Variants in GRIP1 observed in about 807,000 individuals in gnomAD.
GRIP1 encodes glutamate receptor interacting protein 1, also known as glutamate receptor-interacting protein 1.
GRIP1 carries 45 observed loss-of-function variants against 129.9 expected under a neutral mutation model. The observed-to-expected ratio is 0.35, with a 90% CI of 0.27 to 0.44. The LOEUF (loss-of-function observed/expected upper bound fraction) is 0.44. Ranked by LOEUF, GRIP1 falls within the 20% of genes least tolerant of loss-of-function variation. The probability of loss-of-function intolerance (pLI) is 1.00; values close to 1 mark genes in which losing one functional copy is unlikely to be tolerated. For synonymous variants in GRIP1, 530 were observed against 520.8 expected, an observed-to-expected ratio of 1.02 and a Z score of -0.24; for missense variants, 1,196 against 1,396.8, an observed-to-expected ratio of 0.86 and a Z score of 2.29.
intron 1 of GRIP1, among the ~76,000 whole-genome samples, chr12:66,873,590 C>T (rs1003646076): frequency 1.3e-5 from 2 of 151,974 alleles, no homozygotes; most frequent in African/African-American, 4.8e-5. Flanking sequence ...ATGGAATACT[C>T]ATCTAGAAAA....
At chr12:66,955,505 T>G (rs1471551422) in intron 1 of GRIP1, among the ~76,000 whole-genome samples, 1 of 16,572 alleles carries the variant, frequency 6.0e-5, no homozygotes, top group Non-Finnish European at 9.7e-5. Context: ...ACTTTTTTGG[T>G]TTTTTTTTTT....
intron 2 of GRIP1, among the ~76,000 whole-genome samples, chr12:66,562,850 T>C (rs1393628601): frequency 1.3e-5 from 2 of 151,212 alleles, no homozygotes; most frequent in Admixed American, 6.6e-5. Flanking sequence ...TAAACACATA[T>C]TGTGTATGTT....
intron 20 of GRIP1, 107 bp from the exon 21 acceptor site, chr12:66,377,392 A>G: frequency 2.6e-6 from 2 of 773,328 alleles, no homozygotes; most frequent in South Asian, 1.4e-5. Flanking sequence ...CAGTGGCGCA[A>G]TCTCGGCTCA....
chr12:66,909,481 T>C (rs1470698822), intron 1 of GRIP1, among the ~76,000 whole-genome samples: 1 of 152,234 alleles, frequency 6.6e-6, no homozygotes, highest in Non-Finnish European at 1.5e-5. Flanking sequence ...ATCCTGTATA[T>C]AGAACATTTC....
intron 1 of GRIP1, among the ~76,000 whole-genome samples, chr12:66,831,722 G>A (rs1176769788): frequency 6.6e-6 from 1 of 152,074 alleles, no homozygotes; most frequent in Non-Finnish European, 1.5e-5. Flanking sequence ...TCACACCAAG[G>A]AGTCATGTTG....
At chr12:66,848,840 T>C (rs1399520190) in intron 1 of GRIP1, among the ~76,000 whole-genome samples, 1 of 152,172 alleles carries the variant, frequency 6.6e-6, no homozygotes, top group African/African-American at 2.4e-5. Context: ...CCAACCTCTG[T>C]GTCATACTGA....
upstream of GRIP1, among the ~76,000 whole-genome samples, chr12:66,682,104 T>C (rs1415082879): frequency 6.6e-6 from 1 of 152,166 alleles, no homozygotes; most frequent in Non-Finnish European, 1.5e-5. Context: ...CTTTCTCCTC[T>C]TGTTTTTCAC....
In GRIP1 at chr12:67,031,186, G is replaced by A. The variant is rs147903787; in HGVS notation, c.58+37864C>T. Reference sequence around the variant, plus strand: ...TCCCTCATTTCTTATAATCTGCACTGCATCCCAGTTACTAGAAGCTACCAA... The same window carrying A: ...TCCCTCATTTCTTATAATCTGCACTACATCCCAGTTACTAGAAGCTACCAA... On this transcript the variant is annotated intron_variant, in intron 1 of 1. Transcript: ENST00000643019. Among the ~76,000 whole-genome samples, 421 of 152,236 alleles carry A rather than the reference G, an allele frequency of 2.8e-3. 3 individuals carry two copies. Among genetic ancestry groups the A allele is most frequent in the African/African-American group, 9.6e-3 (400 of 41,556 alleles).
intron 1 of GRIP1, among the ~76,000 whole-genome samples, chr12:66,893,238 T>A (rs1490513323): frequency 1.3e-5 from 2 of 152,140 alleles, no homozygotes; most frequent in Non-Finnish European, 2.9e-5. Context: ...TTAAATGTAT[T>A]TGATATCTCT....
chr12:66,676,221 C>T (rs1201712649), intron 1 of GRIP1, among the ~76,000 whole-genome samples: 1 of 151,930 alleles, frequency 6.6e-6, no homozygotes, highest in African/African-American at 2.4e-5. Flanking sequence ...GGTACTTAAT[C>T]GATATTTGTT....
At chr12:66,797,380 C>G (rs2038730161) in intron 1 of GRIP1, among the ~76,000 whole-genome samples, 1 of 152,118 alleles carries the variant, frequency 6.6e-6, no homozygotes, top group African/African-American at 2.4e-5. Context: ...CCTGGGGAGA[C>G]ACAGCTCTAC....
At chr12:66,521,113 C>G (rs577908776) in intron 5 of GRIP1, among the ~76,000 whole-genome samples, 76 of 152,278 alleles carry the variant, frequency 5.0e-4, no homozygotes, top group Non-Finnish European at 8.1e-4. Context: ...CAATGAGTTC[C>G]TAGTTCCACA....
intron 1 of GRIP1, among the ~76,000 whole-genome samples, chr12:66,859,088 A>C (rs2040055572): frequency 6.6e-6 from 1 of 151,832 alleles, no homozygotes; most frequent in Non-Finnish European, 1.5e-5. Context: ...CCTACACCAC[A>C]CTTTGCACAT....
At chr12:66,480,334 C>A (rs537241110) in intron 7 of GRIP1, among the ~76,000 whole-genome samples, 5 of 152,072 alleles carry the variant, frequency 3.3e-5, no homozygotes, top group Non-Finnish European at 7.4e-5. Context: ...GAATAAAATA[C>A]ATAGGAATAC....
chr12:66,936,396 G>A (rs1466654318), intron 1 of GRIP1, among the ~76,000 whole-genome samples: 4 of 145,802 alleles, frequency 2.7e-5, no homozygotes, highest in East Asian at 4.0e-4. Flanking sequence ...ACTGTACTCC[G>A]GCCTGTGTAA....
intron 1 of GRIP1, among the ~76,000 whole-genome samples, chr12:66,766,630 G>T (rs932217314): frequency 3.9e-5 from 6 of 152,196 alleles, no homozygotes; most frequent in Non-Finnish European, 8.8e-5. Flanking sequence ...ACTCGGAAGA[G>T]CGCTGCATGG....
chr12:66,466,783 G>A (rs2059299377), intron 7 of GRIP1, among the ~76,000 whole-genome samples: 1 of 152,150 alleles, frequency 6.6e-6, no homozygotes, highest in Non-Finnish European at 1.5e-5. Context: ...ATATTGGTCT[G>A]TAATCTTTTT....
intron 1 of GRIP1, among the ~76,000 whole-genome samples, chr12:66,619,000 G>A (rs954239598): frequency 1.6e-4 from 24 of 152,126 alleles, no homozygotes; most frequent in South Asian, 2.1e-4. Flanking sequence ...GATATGAACC[G>A]AAGCAAATAC....
chr12:66,351,637 T>C (rs2054230430), intron 24 of GRIP1, among the ~76,000 whole-genome samples: 2 of 149,436 alleles, frequency 1.3e-5, no homozygotes, highest in South Asian at 4.3e-4. Flanking sequence ...CTGCAACCTC[T>C]GAACAGGCAG....
Sources: allele counts gnomAD v4.1 joint callset (sites outside exome capture counted in the v4.1 genomes callset), GRCh38; gene constraint gnomAD v4.1.1; transcripts MANE v1.5; gene names NCBI Gene and HGNC (gene_info 2026-07-23, HGNC 2026-07-21).